JADE1: variants seen among roughly 807,000 people sequenced by gnomAD.
JADE1 encodes the protein jade family PHD finger 1.
In JADE1, 14 loss-of-function variants were observed where a neutral mutation model predicts 81.8. That is an observed-to-expected ratio of 0.17 (90% CI 0.11 to 0.27). The LOEUF (loss-of-function observed/expected upper bound fraction) is 0.27, where lower values mean the gene tolerates loss of function less well. JADE1 is among the 10% of genes least tolerant of loss of function. The probability of loss-of-function intolerance (pLI) is 1.00; values close to 1 mark genes in which losing one functional copy is unlikely to be tolerated. For synonymous variants in JADE1, 353 were observed against 391.9 expected (o/e 0.90, Z 1.17); for missense variants, 690 against 1,047.9 (o/e 0.66, Z 4.71).
At chr4:128,811,169 G>C (rs1243121785) in intron 1 of JADE1, 1 of 152,232 alleles carries the variant, frequency 6.6e-6, no homozygotes, top group Non-Finnish European at 1.5e-5. Context: ...AATGTTGACC[G>C]GGGAACCGAA....
At chr4:128,812,785 C>T (rs927055860) in intron 1 of JADE1, among the ~76,000 whole-genome samples, 1 of 152,260 alleles carries the variant, frequency 6.6e-6, no homozygotes, top group African/African-American at 2.4e-5. Flanking sequence ...TGGCGCCCTG[C>T]CTTACTTCGG....
intron 1 of JADE1, among the ~76,000 whole-genome samples, chr4:128,812,882 A>T (rs1726609018): frequency 6.6e-6 from 1 of 152,238 alleles, no homozygotes. Context: ...GCAGTGAATG[A>T]CCTGAGACAG....
chr4:128,859,458 C>CGTGAGTATGCACATGAGTATGCAT (rs1560771616), intron 8 of JADE1, among the ~76,000 whole-genome samples: 4 of 151,120 alleles, frequency 2.6e-5, no homozygotes, highest in Non-Finnish European at 4.4e-5. Flanking sequence ...CGCGTGAGTG[C>CGTGAGTATGCACATGAGTATGCAT]GTGAGTATGC....
chr4:128,847,564 A>G (rs528218663), intron 4 of JADE1, among the ~76,000 whole-genome samples: 15 of 152,332 alleles, frequency 9.8e-5, no homozygotes, highest in African/African-American at 3.6e-4. Flanking sequence ...TATCTGCCTC[A>G]GAGCCTGTGT....
Position 128,846,351 on chromosome 4 carries a change from G to A in JADE1, c.139-24G>A. The A allele has an allele frequency of 1.2e-6, 2 of 1,611,390 alleles. No individual in the cohort carries two copies. Among genetic ancestry groups the A allele is most frequent in the Non-Finnish European group, 1.7e-6 (2 of 1,177,924 alleles). ...ATAAGAATGCAAATATCAAATGTCA[G>A]TGTCCCTTTCTCTTCCTTTCCAGGT... is the stretch of plus-strand genomic sequence containing the variant. On this transcript the variant is annotated intron_variant, in intron 3 of 10. Transcript: ENST00000226319. This position sits in a 1 kb window ranked among gnomAD's most constrained non-coding sequence, Gnocchi z 4.0.
chr4:128,848,568 G>C (rs545408494), intron 4 of JADE1, among the ~76,000 whole-genome samples: 124 of 152,256 alleles, frequency 8.1e-4, no homozygotes, highest in African/African-American at 2.9e-3. Flanking sequence ...CTCAGAGTCT[G>C]CTGCGCCTGC....
At chr4:128,825,082 C>T (rs762819548) in intron 1 of JADE1, among the ~76,000 whole-genome samples, 5 of 152,070 alleles carry the variant, frequency 3.3e-5, no homozygotes, top group African/African-American at 4.8e-5. Context: ...CTATATTGCC[C>T]GGGCTGGGGT....
At chr4:128,845,451 G>C (rs1729787979) in intron 3 of JADE1, among the ~76,000 whole-genome samples, 1 of 152,210 alleles carries the variant, frequency 6.6e-6, no homozygotes, top group Admixed American at 6.5e-5. Context: ...AGTTTTGCCA[G>C]GTGAAGGTGT....
chr4:128,825,661 C>T (rs1448639614), intron 1 of JADE1, among the ~76,000 whole-genome samples: 1 of 152,198 alleles, frequency 6.6e-6, no homozygotes, highest in Non-Finnish European at 1.5e-5. Context: ...ATGTTTCCTC[C>T]AGGTAGACTG....
chr4:128,847,647 C>T (rs1385699437), intron 4 of JADE1, among the ~76,000 whole-genome samples: 3 of 152,314 alleles, frequency 2.0e-5, no homozygotes, highest in South Asian at 2.1e-4. Flanking sequence ...GCTTCACTTT[C>T]AGTGGGGAGC....
At chr4:128,864,727 C>A in intron 9 of JADE1, 1 of 413,048 alleles carries the variant, frequency 2.4e-6, no homozygotes, top group Non-Finnish European at 3.3e-6. Flanking sequence ...TGACTACAAT[C>A]AAGGCATATG....
At chr4:128,867,637 G>GATGTTGCTTCTGCCT (rs993873053) in intron 9 of JADE1, among the ~76,000 whole-genome samples, 15 of 152,178 alleles carry the variant, frequency 9.9e-5, no homozygotes, top group African/African-American at 3.6e-4. Flanking sequence ...AACCCTCTTC[G>GATGTTGCTTCTGCCT]ATGTTGCTTC....
chr4:128,835,918 G>T (rs1728944274), intron 2 of JADE1, among the ~76,000 whole-genome samples: 1 of 152,218 alleles, frequency 6.6e-6, no homozygotes, highest in South Asian at 2.1e-4. Flanking sequence ...TTATACAGCT[G>T]CAGTCATAGT....
chr4:128,831,142 A>G (rs1728513853), intron 1 of JADE1, among the ~76,000 whole-genome samples: 2 of 152,312 alleles, frequency 1.3e-5, no homozygotes, highest in African/African-American at 2.4e-5. Flanking sequence ...TCAAAATTGT[A>G]TAATGTCTGT....
chr4:128,871,434 C>T lies in JADE1; in HGVS notation c.1701C>T (p.Pro567=). Residue 567 remains proline, a synonymous_variant, in exon 11 of 11, where the codon CCC becomes CCT. Coordinates refer to ENST00000226319, the MANE Select transcript of JADE1 (RefSeq NM_199320.4). The surrounding 1 kb of genome is among the most constrained non-coding windows in gnomAD (Gnocchi z 4.1). ...GTCCTTCTGTTGGCCCTGATGCTCC[C>T]AAGATAGAGGACTTGAAGTGGCATT... ...FNSPSVGPDA[P]KIEDLKWHSA... The T allele has an allele frequency of 6.2e-7, 1 of 1,614,164 alleles. No homozygotes were observed. The highest frequency in any genetic ancestry group is 1.3e-5 in the African/African-American group (1 of 75,048).
intron 2 of JADE1, among the ~76,000 whole-genome samples, chr4:128,832,829 A>G (rs1007914477): frequency 2.0e-5 from 3 of 152,208 alleles, no homozygotes; most frequent in African/African-American, 7.2e-5. Context: ...GCACATTAGA[A>G]AGCAAGGCTT....
chr4:128,861,179 T>G (rs895667819), intron 8 of JADE1, among the ~76,000 whole-genome samples: 20 of 152,232 alleles, frequency 1.3e-4, no homozygotes, highest in African/African-American at 4.8e-4. Context: ...AAAACCCAAG[T>G]TAATGCCTGA....
rs947573457 is a variant in JADE1 at position 128,874,187 on chromosome 4, A to G, written c.*1925A>G. 2 of 152,640 alleles carry G rather than the reference A, an allele frequency of 1.3e-5. No homozygotes were observed. The highest frequency in any genetic ancestry group is 4.8e-5 in the African/African-American group (2 of 41,460). The allele number at this position is 152,640 out of a possible 1,614,324, so 9.5% of individuals were successfully genotyped here. A position where few individuals can be genotyped will look rare whatever the true frequency, so the allele number is the denominator to read the frequency against. On this transcript the variant is annotated 3_prime_UTR_variant, in exon 11 of 11. Transcript: ENST00000226319. The stretch of plus-strand genomic sequence containing the variant: ...AATTAGATTTTTTTTGCATATGAGC[A>G]AAAACCTTTTGCTGGATACAGGAGA...
rs1189397673 is a variant in JADE1 at position 128,874,115 on chromosome 4, G to A, written c.*1853G>A. 2 of 152,484 alleles carry A rather than the reference G, an allele frequency of 1.3e-5. No homozygotes were observed. Among genetic ancestry groups the A allele is most frequent in the African/African-American group, 2.4e-5 (1 of 41,408 alleles). 9.4% of individuals were successfully genotyped at this position (152,484 alleles called of 1,614,324 possible). A position where few individuals can be genotyped will look rare whatever the true frequency, so the allele number is the denominator to read the frequency against. ...CAGCTTGTTGCTGCAGATAATAGAAGGTTCTTATGAATCCAAGTTGTATAT... is the reference window on the plus strand; with the variant it reads ...CAGCTTGTTGCTGCAGATAATAGAAAGTTCTTATGAATCCAAGTTGTATAT... On this transcript the variant is annotated 3_prime_UTR_variant, in exon 11 of 11. Transcript: ENST00000226319.
Sources: allele counts gnomAD v4.1 joint callset (sites outside exome capture counted in the v4.1 genomes callset), GRCh38; gene constraint gnomAD v4.1.1; non-coding constraint Gnocchi (gnomAD v3.1); transcripts MANE v1.5; gene names NCBI Gene and HGNC (gene_info 2026-07-23, HGNC 2026-07-21).